PCDHGA3: variants seen among roughly 807,000 people sequenced by gnomAD.
PCDHGA3 encodes the protein protocadherin gamma-A3.
A neutral mutation model predicts 58.5 loss-of-function variants in PCDHGA3; 40 were observed. The observed-to-expected ratio is 0.68, with a 90% CI of 0.53 to 0.89. The LOEUF is 0.89. PCDHGA3 is among the 40% of genes least tolerant of loss of function. The probability of loss-of-function intolerance (pLI) is 0.00; values close to 1 mark genes in which losing one functional copy is unlikely to be tolerated. For missense variants in PCDHGA3, 1,223 were observed against 1,195.9 expected, an observed-to-expected ratio of 1.02 and a Z score of -0.33; for synonymous variants, 530 against 525.7, an observed-to-expected ratio of 1.01 and a Z score of -0.11.
intron 1 of PCDHGA3, chr5:141,405,047 G>C: frequency 1.2e-6 from 2 of 1,613,944 alleles, no homozygotes; most frequent in Non-Finnish European, 1.7e-6. Flanking sequence ...GGCTGTGGCA[G>C]TCGTCTCCTG....
intron 1 of PCDHGA3, among the ~76,000 whole-genome samples, chr5:141,484,107 A>C (rs13361997): frequency 0.24 from 37,195 of 152,070 alleles, 6,332 homozygotes; most frequent in African/African-American, 0.48. Context: ...TAATTAACAA[A>C]AGATCAAGAA....
At chr5:141,347,660 G>A (rs763268636) in intron 1 of PCDHGA3, among the ~76,000 whole-genome samples, 7 of 151,898 alleles carry the variant, frequency 4.6e-5, no homozygotes, top group East Asian at 3.9e-4. Flanking sequence ...GGTGGTGGGC[G>A]CCTGTAATCC....
At chr5:141,422,167 A>G in intron 1 of PCDHGA3, 1 of 1,562,764 alleles carries the variant, frequency 6.4e-7, no homozygotes, top group Non-Finnish European at 8.6e-7. Context: ...TGAAAAATAT[A>G]GATTCTATGA....
chr5:141,415,095 C>G, intron 1 of PCDHGA3: 2 of 1,613,584 alleles, frequency 1.2e-6, no homozygotes, highest in Non-Finnish European at 1.7e-6. Context: ...TGGACAGAGA[C>G]GCGCTCAAGC....
chr5:141,410,817 ATGTCACCAGACTGAAGATATTTTGTCTT>A, intron 1 of PCDHGA3: 1 of 524,252 alleles, frequency 1.9e-6, no homozygotes, highest in Non-Finnish European at 3.1e-6. Flanking sequence ...TTGTAAAATA[ATGTCACCAGACTGAAGATATTTTGTCTT>A]TGTCTTTTTT....
At position 141,511,575 on chromosome 5, in the gene PCDHGA3, T is replaced by C. The variant is rs930675653; in HGVS notation, c.*402T>C. On this transcript the variant is annotated 3_prime_UTR_variant, in exon 4 of 4. Transcript: ENST00000253812. ...AGTTCCTCTTTCCCGAGTAAGGTGG[T>C]TGGGGTGTTGAAGTACCAAGTAACC... 28 of 287,258 alleles carry C rather than the reference T, an allele frequency of 9.7e-5. No individual in the cohort carries two copies. Among genetic ancestry groups the C allele is most frequent in the Middle Eastern group, 1.3e-3 (1 of 784 alleles). The allele number at this position is 287,258 out of a possible 1,614,324, so 17.8% of individuals were successfully genotyped here.
chr5:141,356,937 C>A, intron 1 of PCDHGA3: 2 of 1,614,226 alleles, frequency 1.2e-6, no homozygotes, highest in Non-Finnish European at 1.7e-6. Flanking sequence ...AGCTGGCACC[C>A]CGCTCCGCAG....
At chr5:141,404,524 G>GTTT in intron 1 of PCDHGA3, 7 of 1,613,938 alleles carry the variant, frequency 4.3e-6, no homozygotes, top group Non-Finnish European at 5.9e-6. Context: ...ACTATGAGCA[G>GTTT]TTTAGAGATT....
At position 141,510,984 on chromosome 5, in the gene PCDHGA3, C is replaced by A. The variant is rs375865663; in HGVS notation, c.2610C>A (p.Ala870=). 6.2e-7 allele frequency: 1 copy of A among 1,614,162 alleles called. No individual in the cohort carries two copies. The highest frequency in any genetic ancestry group is 8.5e-7 in the Non-Finnish European group (1 of 1,180,012). The part of the protein sequence containing the change: ...ADGSSTLGGG[A]GTMGLSARYG... The stretch of plus-strand genomic sequence containing the variant: ...GGAGCTCCACCCTGGGAGGGGGTGC[C>A]GGCACCATGGGATTGAGCGCCCGCT... Residue 870 remains alanine, a synonymous_variant, in exon 4 of 4, where the codon GCC becomes GCA. Coordinates refer to ENST00000253812, the MANE Select transcript of PCDHGA3 (RefSeq NM_018916.4).
rs1319222603 is a variant in PCDHGA3 at position 141,438,686 on chromosome 5, A to G, written c.2425-56121A>G. Among the ~76,000 whole-genome samples the G allele has an allele frequency of 2.8e-5, 4 of 140,922 alleles. No homozygotes were observed. The Admixed American group carries it at 2.9e-4, about 10-fold the overall frequency. 92.5% of individuals were successfully genotyped at this position (140,922 alleles called of 152,430 possible). On this transcript the variant is annotated intron_variant, in intron 1 of 3. Transcript: ENST00000253812. ...TATATATATTTGGAGTAGGGGATGGAGTCTTGCTCTGTCACCCAGGCTGGA... is the reference window on the plus strand; with the variant it reads ...TATATATATTTGGAGTAGGGGATGGGGTCTTGCTCTGTCACCCAGGCTGGA...
At chr5:141,407,013 C>T (rs550387003) in intron 1 of PCDHGA3, among the ~76,000 whole-genome samples, 28 of 152,216 alleles carry the variant, frequency 1.8e-4, no homozygotes, top group Middle Eastern at 6.8e-3. Context: ...TTGAAGTTGA[C>T]TCAAAATTCT....
rs979645454 is a variant in PCDHGA3 at position 141,364,198 on chromosome 5, C to T, written c.2424+17741C>T. 3.6e-6 allele frequency: 4 copies of T among 1,108,464 alleles called. No individual in the cohort carries two copies. In the African/African-American group the frequency reaches 4.8e-5, roughly 13 times the overall value. 68.7% of individuals were successfully genotyped at this position (1,108,464 alleles called of 1,614,324 possible). ...GCTCCCTCCATACTAAACACACAGACCAGACAAGCTCCTACGAAAAGCCAA... is the reference window on the plus strand; with the variant it reads ...GCTCCCTCCATACTAAACACACAGATCAGACAAGCTCCTACGAAAAGCCAA... On this transcript the variant is annotated intron_variant, in intron 1 of 3. Transcript: ENST00000253812.
intron 1 of PCDHGA3, among the ~76,000 whole-genome samples, chr5:141,457,537 T>C (rs967428207): frequency 6.6e-6 from 1 of 152,228 alleles, no homozygotes; most frequent in Non-Finnish European, 1.5e-5. Context: ...TAGGGTTTAA[T>C]GACAAATGTA....
intron 1 of PCDHGA3, chr5:141,364,541 A>C: frequency 6.2e-7 from 1 of 1,614,130 alleles, no homozygotes; most frequent in African/African-American, 1.3e-5. Flanking sequence ...CTCCAGAGGT[A>C]GGACGCAGCT....
chr5:141,370,738 A>G, intron 1 of PCDHGA3: 2 of 1,613,902 alleles, frequency 1.2e-6, no homozygotes, highest in Non-Finnish European at 1.7e-6. Context: ...AAGCCTTTAA[A>G]CTTTTTTCAT....
chr5:141,393,171 G>A (rs768471669), intron 1 of PCDHGA3: 1 of 1,613,268 alleles, frequency 6.2e-7, no homozygotes, highest in Non-Finnish European at 8.5e-7. Context: ...CTTTGGGGTA[G>A]AAATAGAAAT....
chr5:141,360,506 A>C (rs771253042), intron 1 of PCDHGA3: 2 of 1,614,016 alleles, frequency 1.2e-6, no homozygotes, highest in South Asian at 1.1e-5. Flanking sequence ...GTAATTGTGC[A>C]GGATATAAAT....
intron 1 of PCDHGA3, among the ~76,000 whole-genome samples, chr5:141,456,907 G>A (rs1430292511): frequency 6.6e-6 from 1 of 152,108 alleles, no homozygotes; most frequent in Non-Finnish European, 1.5e-5. Flanking sequence ...AGGTTGCAGT[G>A]AGCCGAGATC....
At chr5:141,355,466 G>T (rs1561508995) in intron 1 of PCDHGA3, 1 of 1,614,094 alleles carries the variant, frequency 6.2e-7, no homozygotes, top group Admixed American at 1.7e-5. Context: ...ACCGCGGGTA[G>T]GATAGACAGG....
Sources: gnomAD v4.1 joint callset for allele counts (sites outside exome capture counted in the v4.1 genomes callset) on GRCh38, gnomAD v4.1.1 for gene constraint, MANE v1.5 for transcripts, NCBI Gene and HGNC (gene_info 2026-07-23, HGNC 2026-07-21) for gene names.